Variants in NELL2 observed in about 807,000 individuals in gnomAD.
NELL2 encodes protein kinase C-binding protein NELL2.
NELL2 carries 41 observed loss-of-function variants against 109.6 expected under a neutral mutation model. The observed-to-expected ratio is 0.37, with a 90% confidence interval of 0.29 to 0.49. The LOEUF (loss-of-function observed/expected upper bound fraction) is 0.49, where lower values mean the gene tolerates loss of function less well. NELL2 is among the 20% of genes least tolerant of loss of function. NELL2 has a pLI of 0.98. For missense variants in NELL2, 900 were observed against 1,008.3 expected, an observed-to-expected ratio of 0.89 and a Z score of 1.45; for synonymous variants, 355 against 344.7, an observed-to-expected ratio of 1.03 and a Z score of -0.33.
At chr12:44,820,626 A>G (rs1288872303) in intron 2 of NELL2, among the ~76,000 whole-genome samples, 2 of 151,800 alleles carry the variant, frequency 1.3e-5, no homozygotes, top group Non-Finnish European at 2.9e-5. Flanking sequence ...AAAAAAAGAA[A>G]AAGAAAGTAG....
chr12:44,647,647 A>G (rs1469178361), intron 13 of NELL2, among the ~76,000 whole-genome samples: 1 of 152,222 alleles, frequency 6.6e-6, no homozygotes, highest in Non-Finnish European at 1.5e-5. Context: ...TGGCTGCTAA[A>G]TTATCCCACT....
chr12:44,827,852 T>C (rs1454522413), intron 2 of NELL2, among the ~76,000 whole-genome samples: 4 of 152,218 alleles, frequency 2.6e-5, no homozygotes, highest in African/African-American at 9.6e-5. Flanking sequence ...CTAGATGTTA[T>C]AGTAGCTCTA....
chr12:44,797,845 AAT>A (rs1942678035), intron 3 of NELL2, among the ~76,000 whole-genome samples: 3 of 137,550 alleles, frequency 2.2e-5, no homozygotes, highest in African/African-American at 7.8e-5. Context: ...TCCTAGATGG[AAT>A]GATGGAATAA....
intron 2 of NELL2, among the ~76,000 whole-genome samples, chr12:44,864,869 A>C (rs544081442): frequency 5.9e-5 from 9 of 152,060 alleles, no homozygotes; most frequent in East Asian, 5.8e-4. Context: ...ATTTATAGTC[A>C]TTTGGGTATA....
rs117727809 is a variant in NELL2 at position 44,629,489 on chromosome 12, A to G, written c.1445-18519T>C. The stretch of plus-strand genomic sequence containing the variant: ...ATAAACCAGCAGCAAAGCATTACAG[A>G]GATGTCACAGGTAAGCTTGCTTGGA... On this transcript the variant is annotated intron_variant, in intron 13 of 19. Transcript: ENST00000429094. Among the ~76,000 whole-genome samples, 400 of 152,236 alleles carry G rather than the reference A, an allele frequency of 2.6e-3. 2 individuals carry two copies. The highest frequency in any genetic ancestry group is 4.3e-3 in the Non-Finnish European group (290 of 68,010).
rs1940832554 is a variant in NELL2, at chr12:44,508,593, G to A, written c.*341C>T. ...TGATTCTTGAAGATTCTGATCTAGA[G>A]GAAAATTTTCTGCACCAGTGAAGCT... On this transcript the variant is annotated 3_prime_UTR_variant, in exon 20 of 20. Coordinates refer to ENST00000429094, the MANE Select transcript of NELL2 (RefSeq NM_001145108.2). The A allele has an allele frequency of 5.1e-6, 1 of 194,272 alleles. No homozygotes were observed. The allele number at this position is 194,272 out of a possible 1,614,324, so 12.0% of individuals were successfully genotyped here.
intron 12 of NELL2, among the ~76,000 whole-genome samples, chr12:44,689,987 C>T (rs1948849954): frequency 6.6e-6 from 1 of 152,160 alleles, no homozygotes; most frequent in African/African-American, 2.4e-5. Flanking sequence ...AAACTAAAGA[C>T]TCAAAAATAA....
upstream of NELL2, chr12:44,876,407 G>A (rs1337541422): frequency 2.4e-6 from 3 of 1,263,680 alleles, no homozygotes; most frequent in Admixed American, 1.1e-4. Flanking sequence ...GGGAGGGGCC[G>A]CCGAGGGCGA....
chr12:44,708,643 C>T (rs542839492), intron 11 of NELL2, among the ~76,000 whole-genome samples: 3 of 152,082 alleles, frequency 2.0e-5, no homozygotes, highest in African/African-American at 4.8e-5. Context: ...ATATTTGAAT[C>T]GGAAATTAAT....
Position 44,575,666 on chromosome 12 carries a change from G to A in NELL2, c.1663+31503C>T, listed in dbSNP as rs564831208. Among the ~76,000 whole-genome samples the A allele has an allele frequency of 6.6e-5, 10 of 152,230 alleles. No homozygotes were observed. The South Asian group carries it at 2.1e-3, about 32-fold the overall frequency. Reference sequence around the variant, plus strand: ...ACCACTATTTTCTAGGCATGCTTTCGATAATACATATAAAGCACTGAGCAT... The same window carrying A: ...ACCACTATTTTCTAGGCATGCTTTCAATAATACATATAAAGCACTGAGCAT... On this transcript the variant is annotated intron_variant, in intron 15 of 19. Coordinates refer to ENST00000429094, the MANE Select transcript of NELL2 (RefSeq NM_001145108.2).
intron 15 of NELL2, among the ~76,000 whole-genome samples, chr12:44,554,445 C>T (rs749934696): frequency 6.6e-6 from 1 of 151,956 alleles, no homozygotes; most frequent in Non-Finnish European, 1.5e-5. Flanking sequence ...GTTGTCTAGG[C>T]TTAGGGGAGA....
chr12:44,589,842 C>A (rs2074866413), intron 15 of NELL2, among the ~76,000 whole-genome samples: 1 of 152,184 alleles, frequency 6.6e-6, no homozygotes, highest in Non-Finnish European at 1.5e-5. Context: ...ATATCACCTA[C>A]TTTTTCCAAC....
At chr12:44,715,931 A>G (rs773629786) in intron 9 of NELL2, among the ~76,000 whole-genome samples, 1 of 152,116 alleles carries the variant, frequency 6.6e-6, no homozygotes, top group Non-Finnish European at 1.5e-5. Context: ...TAAAGAAGGA[A>G]GAAAGTAGAC....
At chr12:44,569,098 C>A (rs1285271577) in intron 15 of NELL2, among the ~76,000 whole-genome samples, 1 of 152,124 alleles carries the variant, frequency 6.6e-6, no homozygotes, top group Non-Finnish European at 1.5e-5. Flanking sequence ...GTCTTCTCAT[C>A]ATTTAGCTTC....
rs779593674 is a variant in NELL2, at chr12:44,703,817, C to T, written c.1227G>A (p.Glu409=). ...CATTCAGATTTCTGCAGATGGAATT[C>T]TCCATGCAGTTATGCCTTTCAGAAC... ...DFCSERHNCM[E]NSICRNLNDR... Residue 409 remains glutamate, a synonymous_variant, in exon 12 of 20, where the codon GAG becomes GAA. Transcript: ENST00000429094. The T allele has an allele frequency of 1.9e-6, 3 of 1,613,162 alleles. No individual in the cohort carries two copies. The highest frequency in any genetic ancestry group is 2.5e-6 in the Non-Finnish European group (3 of 1,179,534).
intron 12 of NELL2, among the ~76,000 whole-genome samples, chr12:44,691,351 C>A (rs1454735885): frequency 6.6e-6 from 1 of 152,102 alleles, no homozygotes; most frequent in African/African-American, 2.4e-5. Flanking sequence ...TATTCGAATT[C>A]TCCTAAGGCA....
intron 2 of NELL2, among the ~76,000 whole-genome samples, chr12:44,816,389 C>CA (rs1189961087): frequency 2.6e-5 from 4 of 151,934 alleles, no homozygotes; most frequent in African/African-American, 9.7e-5. Context: ...ACCTTTGAAG[C>CA]AAAAAATCAA....
rs1351986760 is a variant in NELL2, at chr12:44,728,382, T to C, written c.995-13641A>G. On this transcript the variant is annotated intron_variant, in intron 9 of 19. Transcript: ENST00000429094. ...TAGAGGAGTTCAACAGTAGATTTGATTAAGCAGAAGAATCAGCAAACTCAA... is the reference window on the plus strand; with the variant it reads ...TAGAGGAGTTCAACAGTAGATTTGACTAAGCAGAAGAATCAGCAAACTCAA... 2.0e-5 allele frequency among the ~76,000 whole-genome samples: 3 copies of C among 152,074 alleles called. No individual in the cohort carries two copies. The South Asian group carries it at 6.2e-4, about 31-fold the overall frequency.
intron 13 of NELL2, among the ~76,000 whole-genome samples, chr12:44,645,237 A>C (rs938473876): frequency 6.6e-6 from 1 of 152,132 alleles, no homozygotes; most frequent in Non-Finnish European, 1.5e-5. Flanking sequence ...GGAGCCACTA[A>C]ATGGCAATAA....
Sources: allele counts gnomAD v4.1 joint callset (sites outside exome capture counted in the v4.1 genomes callset), GRCh38; gene constraint gnomAD v4.1.1; transcripts MANE v1.5; gene names NCBI Gene and HGNC (gene_info 2026-07-23, HGNC 2026-07-21).